The following SEL1L2 variants were observed in gnomAD, a reference collection of about 807,000 sequenced individuals.
The protein encoded by SEL1L2 is protein sel-1 homolog 2.
SEL1L2 carries 89 observed loss-of-function variants against 98.8 expected under a neutral mutation model. That is an observed-to-expected ratio of 0.90 (90% CI 0.76 to 1.07). The LOEUF (loss-of-function observed/expected upper bound fraction) is 1.07, where lower values mean the gene tolerates loss of function less well. SEL1L2 is among the 50% of genes least tolerant of loss of function. The probability of loss-of-function intolerance (pLI) is 0.00; values close to 1 mark genes in which losing one functional copy is unlikely to be tolerated. For missense variants in SEL1L2, 788 were observed against 812.0 expected (o/e 0.97, Z 0.36); for synonymous variants, 262 against 278.5 (o/e 0.94, Z 0.59).
intron 17 of SEL1L2, among the ~76,000 whole-genome samples, chr20:13,861,019 A>G (rs1156449369): frequency 6.6e-6 from 1 of 152,062 alleles, no homozygotes; most frequent in Non-Finnish European, 1.5e-5. Flanking sequence ...CAATTCATCA[A>G]GTCCTGTTGG....
chr20:13,935,243 T>C (rs1600821235), intron 2 of SEL1L2, among the ~76,000 whole-genome samples: 1 of 152,268 alleles, frequency 6.6e-6, no homozygotes, highest in African/African-American at 2.4e-5. Context: ...AGAGATTAAA[T>C]AATTTAATAA....
intron 10 of SEL1L2, among the ~76,000 whole-genome samples, chr20:13,881,151 C>T (rs964833667): frequency 4.6e-5 from 7 of 152,116 alleles, no homozygotes; most frequent in Non-Finnish European, 7.3e-5. Flanking sequence ...GTGGCTGGGA[C>T]TACAGGCGTG....
intron 1 of SEL1L2, among the ~76,000 whole-genome samples, chr20:13,988,094 T>G (rs1025488405): frequency 1.3e-5 from 2 of 152,352 alleles, no homozygotes; most frequent in Admixed American, 1.3e-4. Flanking sequence ...CTAAGAGTTT[T>G]AAATCTTTAG....
At position 13,870,048 on chromosome 20, in the gene SEL1L2, AATAGAG is replaced by A. The variant is rs1387154104; in HGVS notation, c.1167+87_1167+92del. The A allele has an allele frequency of 4.5e-6, 4 of 883,790 alleles. No homozygotes were observed. In the East Asian group the frequency reaches 1.0e-4, roughly 22 times the overall value. The allele number at this position is 883,790 out of a possible 1,614,324, so 54.7% of individuals were successfully genotyped here. A position where few individuals can be genotyped will look rare whatever the true frequency, so the allele number is the denominator to read the frequency against. On this transcript the variant is annotated intron_variant, in intron 13 of 19. Coordinates refer to ENST00000284951, the MANE Select transcript of SEL1L2 (RefSeq NM_025229.2). The stretch of plus-strand genomic sequence containing the variant: ...GATATCACAGTTTGGCAAACCAGAT[AATAGAG>A]ATAAATTCCTTTAAACTAATGAATG...
intron 5 of SEL1L2, among the ~76,000 whole-genome samples, chr20:13,911,233 T>C (rs2048193757): frequency 6.6e-6 from 1 of 152,246 alleles, no homozygotes; most frequent in Non-Finnish European, 1.5e-5. Context: ...GAGGACTCTG[T>C]CCTAGTAATC....
At chr20:13,970,889 A>G (rs974017514) in intron 1 of SEL1L2, among the ~76,000 whole-genome samples, 1 of 148,856 alleles carries the variant, frequency 6.7e-6, no homozygotes, top group Non-Finnish European at 1.5e-5. Context: ...TCCTATATAT[A>G]TTACTATATA....
At chr20:13,875,061 A>G (rs1600552576) in intron 12 of SEL1L2, among the ~76,000 whole-genome samples, 1 of 152,174 alleles carries the variant, frequency 6.6e-6, no homozygotes, top group South Asian at 2.1e-4. Flanking sequence ...TGCAGGAGGC[A>G]TATTATACCA....
chr20:13,943,809 T>C (rs2049889470), intron 2 of SEL1L2, among the ~76,000 whole-genome samples: 1 of 152,120 alleles, frequency 6.6e-6, no homozygotes, highest in Admixed American at 6.6e-5. Context: ...AAATGAGGGA[T>C]GTGCTATTTT....
At chr20:13,963,255 C>G (rs780665066) in intron 1 of SEL1L2, among the ~76,000 whole-genome samples, 1 of 151,938 alleles carries the variant, frequency 6.6e-6, no homozygotes, top group Non-Finnish European at 1.5e-5. Context: ...GTTCACTCAC[C>G]TACTTAACTT....
Position 13,919,139 on chromosome 20 carries a change from C to T in SEL1L2, c.284-16G>A, listed in dbSNP as rs1439302523. 2 of 1,433,394 alleles carry T rather than the reference C, an allele frequency of 1.4e-6. No individual in the cohort carries two copies. The highest frequency in any genetic ancestry group is 1.2e-5 in the South Asian group (1 of 81,960). The allele number at this position is 1,433,394 out of a possible 1,614,324, so 88.8% of individuals were successfully genotyped here. On this transcript the variant is annotated splice_polypyrimidine_tract_variant and intron_variant, in intron 3 of 19. Transcript: ENST00000284951. ...TGCTTTTGTACTATACATGAACAAA[C>T]AAAAAATAAAAACAATATTACTTCT...
intron 1 of SEL1L2, among the ~76,000 whole-genome samples, chr20:13,984,666 C>T (rs1040783776): frequency 2.6e-5 from 4 of 152,040 alleles, no homozygotes; most frequent in African/African-American, 9.7e-5. Flanking sequence ...CTTTCTCTCT[C>T]TCTTCCTCCC....
chr20:13,939,665 C>CTTTTTTTTT (rs3042764), intron 2 of SEL1L2, among the ~76,000 whole-genome samples: 16,765 of 131,956 alleles, frequency 0.13, 1,387 homozygotes, highest in African/African-American at 0.2. Context: ...CACCCTTATT[C>CTTTTTTTTT]TTTTTTTTTT....
chr20:13,904,410 C>A (rs1249475238), intron 5 of SEL1L2, among the ~76,000 whole-genome samples: 1 of 152,048 alleles, frequency 6.6e-6, no homozygotes, highest in Admixed American at 6.6e-5. Context: ...AGCCTATAAT[C>A]CCAGTTACTT....
At chr20:13,891,401 G>A (rs67141127) in intron 5 of SEL1L2, among the ~76,000 whole-genome samples, 15,099 of 152,168 alleles carry the variant, frequency 0.099, 836 homozygotes, top group East Asian at 0.18. Context: ...AGGCGCAGTG[G>A]TGCACACCTG....
intron 1 of SEL1L2, among the ~76,000 whole-genome samples, chr20:13,976,878 T>G (rs2051564378): frequency 6.6e-6 from 1 of 152,144 alleles, no homozygotes; most frequent in Admixed American, 6.5e-5. Context: ...TATAAACGAT[T>G]AGGAGATTCT....
chr20:13,973,040 T>C (rs1238068226), intron 1 of SEL1L2, among the ~76,000 whole-genome samples: 3 of 152,208 alleles, frequency 2.0e-5, no homozygotes, highest in African/African-American at 7.2e-5. Flanking sequence ...ATCCTCCAAG[T>C]GCCTTAACCT....
upstream of SEL1L2, among the ~76,000 whole-genome samples, chr20:13,992,447 T>C (rs369862277): frequency 1.3e-5 from 2 of 152,120 alleles, no homozygotes; most frequent in Non-Finnish European, 2.9e-5. Flanking sequence ...GAGGTTGCAG[T>C]GAGCCAAGAT....
At chr20:13,986,116 A>G (rs1015805719) in intron 1 of SEL1L2, among the ~76,000 whole-genome samples, 2 of 152,174 alleles carry the variant, frequency 1.3e-5, no homozygotes, top group African/African-American at 4.8e-5. Flanking sequence ...TTTGTATGGA[A>G]ATGTTTTCAA....
chr20:13,905,864 TC>T (rs2047905061), intron 5 of SEL1L2, among the ~76,000 whole-genome samples: 1 of 151,012 alleles, frequency 6.6e-6, no homozygotes, highest in Non-Finnish European at 1.5e-5. Context: ...TATTTCTTTT[TC>T]TTTTCCTTTT....
Sources: gnomAD v4.1 joint callset for allele counts (sites outside exome capture counted in the v4.1 genomes callset) on GRCh38, gnomAD v4.1.1 for gene constraint, MANE v1.5 for transcripts, NCBI Gene and HGNC (gene_info 2026-07-23, HGNC 2026-07-21) for gene names.